VSTM1: variants seen among roughly 807,000 people sequenced by gnomAD.
The protein encoded by VSTM1 is V-set and transmembrane domain-containing protein 1.
Under a neutral mutation model 33.1 loss-of-function variants are expected in VSTM1, and 27 were observed. The observed-to-expected ratio is 0.82, with a 90% CI of 0.60 to 1.12. The LOEUF (loss-of-function observed/expected upper bound fraction) is 1.12. VSTM1 is among the 50% of genes most tolerant of loss of function. VSTM1 has a pLI of 0.00. For synonymous variants in VSTM1, 115 were observed against 110.3 expected (o/e 1.04, Z -0.27); for missense variants, 304 against 288.9 (o/e 1.05, Z -0.38).
At chr19:54,042,029 GGAAGGGAGAA>G in intron 6 of VSTM1, 76 bp from the exon 7 acceptor site, 1 of 1,606,824 alleles carries the variant, frequency 6.2e-7, no homozygotes, top group Non-Finnish European at 8.5e-7. Context: ...GGAGGGGAGA[GGAAGGGAGAA>G]GAAGGGAGAG....
At chr19:54,046,784 C>A (rs552477080) in intron 4 of VSTM1, among the ~76,000 whole-genome samples, 1 of 152,180 alleles carries the variant, frequency 6.6e-6, no homozygotes. Context: ...TGGTCTTCGA[C>A]CTTCTCTGTC....
rs558724942 is a variant in VSTM1 at position 54,045,747 on chromosome 19, C to A, written c.395-3378G>T. On this transcript the variant is annotated intron_variant, in intron 4 of 8. Coordinates refer to ENST00000338372, the MANE Select transcript of VSTM1 (RefSeq NM_198481.4). ...TTTTTCTATCTTGCAACTCTATCAC[C>A]TATCTAGGTATCTATGTATCTATCT... is the stretch of plus-strand genomic sequence containing the variant. 3.3e-5 allele frequency among the ~76,000 whole-genome samples: 5 copies of A among 152,222 alleles called. No individual in the cohort carries two copies. In the South Asian group the frequency reaches 8.3e-4, roughly 25 times the overall value.
chr19:54,057,429 C>T (rs934193332), intron 3 of VSTM1, among the ~76,000 whole-genome samples: 10 of 150,894 alleles, frequency 6.6e-5, no homozygotes, highest in African/African-American at 1.7e-4. Context: ...GTGGGAAAAT[C>T]GCTTGAGCCT....
chr19:54,048,462 C>A, intron 4 of VSTM1: 1 of 223,004 alleles, frequency 4.5e-6, no homozygotes, highest in Non-Finnish European at 9.7e-6. Flanking sequence ...AATTTGAACT[C>A]AAAAAGTACA....
intron 1 of VSTM1, among the ~76,000 whole-genome samples, chr19:54,059,395 T>C (rs117366834): frequency 0.051 from 7,758 of 151,986 alleles, 265 homozygotes; most frequent in Admixed American, 0.1. Flanking sequence ...ATTGCTTTCA[T>C]GAGTAATCCT....
intron 4 of VSTM1, among the ~76,000 whole-genome samples, chr19:54,049,621 C>A (rs1484893460): frequency 6.6e-6 from 1 of 152,178 alleles, no homozygotes; most frequent in African/African-American, 2.4e-5. Context: ...GTTTCTGATA[C>A]TTCTGTGTTC....
chr19:54,060,516 C>T (rs796122648), intron 1 of VSTM1, among the ~76,000 whole-genome samples: 9 of 152,174 alleles, frequency 5.9e-5, no homozygotes, highest in South Asian at 2.1e-4. Context: ...CACGATGGAC[C>T]GAAGCTGCGT....
chr19:54,042,084 C>T (rs2070309962), intron 6 of VSTM1, 85 bp downstream of exon 6: 17 of 1,608,620 alleles, frequency 1.1e-5, no homozygotes, highest in Non-Finnish European at 1.4e-5. Context: ...GGTGGGGGCT[C>T]AGGGTGCCAA....
chr19:54,061,862 C>G (rs2071409563), intron 1 of VSTM1, among the ~76,000 whole-genome samples: 1 of 151,254 alleles, frequency 6.6e-6, no homozygotes. Context: ...GATGCATCTA[C>G]AAGTTAAAGA....
chr19:54,046,169 A>G (rs1416638746), intron 4 of VSTM1, among the ~76,000 whole-genome samples: 2 of 152,088 alleles, frequency 1.3e-5, no homozygotes, highest in Admixed American at 6.6e-5. Context: ...ATATCTAGTT[A>G]TCTATTTATC....
Position 54,042,163 on chromosome 19 carries a change from A to T in VSTM1, c.515+6T>A. The T allele has an allele frequency of 6.2e-7, 1 of 1,614,052 alleles. No homozygotes were observed. The highest frequency in any genetic ancestry group is 1.3e-5 in the African/African-American group (1 of 75,006). On this transcript the variant is annotated splice_donor_region_variant and intron_variant, in intron 6 of 8. Transcript: ENST00000338372. The stretch of plus-strand genomic sequence containing the variant: ...AAGTGGAGCATGAGCTATGCCAAGC[A>T]TCTACCTCTTGGTGGATTCCTCAGA...
In VSTM1 at chr19:54,058,714, T is replaced by C; in HGVS notation, c.53A>G (p.Glu18Gly). 4 of 1,613,934 alleles carry C rather than the reference T, an allele frequency of 2.5e-6. No homozygotes were observed. The highest frequency in any genetic ancestry group is 3.4e-6 in the Non-Finnish European group (4 of 1,180,004). Residue 18 changes from glutamate (E) to glycine (G), a missense_variant, in exon 2 of 9, where the codon GAA becomes GGA. Glu to Gly is a moderately conservative substitution (Grantham distance 98). Coordinates refer to ENST00000338372, the MANE Select transcript of VSTM1 (RefSeq NM_198481.4). ...AAACTCACCATTCTTTTTCTCATCT[T>C]CGTAGCCCAGACACAGCCCTGGAAG... is the stretch of plus-strand genomic sequence containing the variant. The part of the protein sequence containing the change: ...LLCLGLCLGY[E>G]DEKKNEKPPK...
chr19:54,058,917 A>G (rs2071247383), intron 1 of VSTM1, among the ~76,000 whole-genome samples, 185 bp from the exon 2 acceptor site: 1 of 148,170 alleles, frequency 6.7e-6, no homozygotes, highest in African/African-American at 2.4e-5. Flanking sequence ...ATATATAAAT[A>G]TAATATATAT....
chr19:54,043,196 C>A (rs553009636), intron 4 of VSTM1, among the ~76,000 whole-genome samples: 2 of 152,008 alleles, frequency 1.3e-5, no homozygotes, highest in East Asian at 3.9e-4. Context: ...TGGGCCTCAT[C>A]CAATCAGTTG....
chr19:54,041,960 G>A lies in VSTM1; in HGVS notation c.516-7C>T. The A allele has an allele frequency of 6.2e-7, 1 of 1,614,014 alleles. No homozygotes were observed. Among genetic ancestry groups the A allele is most frequent in the Non-Finnish European group, 8.5e-7 (1 of 1,179,888 alleles). ...AAGTTTGGAATGGCTGGTTCTGAAA[G>A]AGAGAGACACACGTGAAAGGATGGG... is the stretch of plus-strand genomic sequence containing the variant. On this transcript the variant is annotated splice_region_variant and splice_polypyrimidine_tract_variant and intron_variant, in intron 6 of 8. Transcript: ENST00000338372.
chr19:54,052,268 G>C (rs1164908966), intron 3 of VSTM1, among the ~76,000 whole-genome samples: 5 of 149,576 alleles, frequency 3.3e-5, no homozygotes, highest in Admixed American at 6.7e-5. Context: ...CGTGGTGGCG[G>C]GCCCCTGTAG....
Position 54,054,337 on chromosome 19 carries a change from G to A in VSTM1, c.356-2889C>T, listed in dbSNP as rs557985737. Among the ~76,000 whole-genome samples, 9 of 142,374 alleles carry A rather than the reference G, an allele frequency of 6.3e-5. 1 individual carries two copies. Among genetic ancestry groups the A allele is most frequent in the Non-Finnish European group, 1.2e-4 (8 of 64,500 alleles). 93.4% of individuals were successfully genotyped at this position (142,374 alleles called of 152,430 possible). Reference sequence around the variant, plus strand: ...CAGAAATTCTTAAGACTACAAGAACGAGTTATGGGGAATACAATTTGAAAT... The same window carrying A: ...CAGAAATTCTTAAGACTACAAGAACAAGTTATGGGGAATACAATTTGAAAT... On this transcript the variant is annotated intron_variant, in intron 3 of 8. Transcript: ENST00000338372.
intron 4 of VSTM1, among the ~76,000 whole-genome samples, chr19:54,045,285 T>C (rs1298799718): frequency 6.6e-6 from 1 of 152,206 alleles, no homozygotes; most frequent in African/African-American, 2.4e-5. Context: ...TCTGTCTCTG[T>C]ACCTACTTAC....
At chr19:54,057,681 C>T (rs531206998) in intron 3 of VSTM1, among the ~76,000 whole-genome samples, 32 of 151,678 alleles carry the variant, frequency 2.1e-4, no homozygotes, top group African/African-American at 7.5e-4. Flanking sequence ...TGGTGGCGCA[C>T]CCCTGTAGTT....
Sources: allele counts gnomAD v4.1 joint callset (sites outside exome capture counted in the v4.1 genomes callset), GRCh38; gene constraint gnomAD v4.1.1; transcripts MANE v1.5; gene names NCBI Gene and HGNC (gene_info 2026-07-23, HGNC 2026-07-21).